The following NEB variants were observed in gnomAD, a reference collection of about 807,000 sequenced individuals.
The protein encoded by NEB is nebulin, also known as nemaline myopathy type 2.
Under a neutral mutation model 952.2 loss-of-function variants are expected in NEB, and 512 were observed. The ratio of observed to expected loss-of-function variants is 0.54; its 90% CI spans 0.50 to 0.58. The LOEUF (loss-of-function observed/expected upper bound fraction) is 0.58. Ranked by LOEUF, NEB falls within the 20% of genes least tolerant of loss-of-function variation. The pLI is 0.00. For missense variants in NEB, 8,428 were observed against 9,231.1 expected (o/e 0.91, Z 3.56); for synonymous variants, 2,900 against 3,149.8 (o/e 0.92, Z 2.66).
chr2:151,502,270 G>A (rs900422510), intron 167 of NEB, among the ~76,000 whole-genome samples: 4 of 152,038 alleles, frequency 2.6e-5, no homozygotes, highest in Non-Finnish European at 5.9e-5. Context: ...ATGGTGCAGT[G>A]TATACTGCTT....
rs781013824 is a variant in NEB at position 151,570,494 on chromosome 2, C to T, written c.17118+3G>A. 1.3e-6 allele frequency: 2 copies of T among 1,599,700 alleles called. No homozygotes were observed. The highest frequency in any genetic ancestry group is 2.2e-5 in the East Asian group (1 of 44,664). On this transcript the variant is annotated splice_donor_region_variant and intron_variant, in intron 108 of 181. Transcript: ENST00000397345. ...AACTGAGAAGTTAAAAAAGGCCACT[C>T]ACGTCACTGGCAATCTCCCTGGAGG...
chr2:151,692,428 T>G, intron 20 of NEB, 66 bp from the exon 21 acceptor site: 6 of 1,259,154 alleles, frequency 4.8e-6, no homozygotes, highest in Non-Finnish European at 5.6e-6. Context: ...TAAAAGTCAT[T>G]CATGTCTTTG....
Position 151,499,309 on chromosome 2 carries a change from T to A in NEB, c.24103A>T (p.Asn8035Tyr). 6.6e-7 allele frequency: 1 copy of A among 1,513,478 alleles called. No individual in the cohort carries two copies. The highest frequency in any genetic ancestry group is 8.9e-7 in the Non-Finnish European group (1 of 1,123,804). 93.8% of individuals were successfully genotyped at this position (1,513,478 alleles called of 1,614,324 possible). A position where few individuals can be genotyped will look rare whatever the true frequency, so the allele number is the denominator to read the frequency against. ...TTATTTTTAAATACCGAACTAAAGT[T>A]TTCTTGATTGTGTTTGACTCTCTCC... is the stretch of plus-strand genomic sequence containing the variant. Reference protein sequence around the residue: ...EMERVKHNQENFSSVLYKENL... With the variant: ...EMERVKHNQEYFSSVLYKENL... Residue 8035 changes from asparagine (N) to tyrosine (Y), a missense_variant, in exon 169 of 182, where the codon AAC (asparagine) becomes TAC (tyrosine). By Grantham distance (143) the Asn-to-Tyr change is moderately radical. Coordinates refer to ENST00000397345, the MANE Select transcript of NEB (RefSeq NM_001164508.2).
chr2:151,678,924 C>T (rs528496328), intron 32 of NEB, among the ~76,000 whole-genome samples: 33 of 152,132 alleles, frequency 2.2e-4, no homozygotes, highest in South Asian at 1.9e-3. Flanking sequence ...TACACTGGTG[C>T]GATGTAAACC....
In NEB at chr2:151,719,886, C is replaced by CAAAAA. The variant is rs34116466; in HGVS notation, c.718-2371_718-2367dup. On this transcript the variant is annotated intron_variant, in intron 9 of 181. Transcript: ENST00000397345. ...TGGGTGAGAGAGTGAGACCCTGTCT[C>CAAAAA]AAAAAAAAAAAAAAAAAAATACAAA... Among the ~76,000 whole-genome samples, 176 of 102,996 alleles carry CAAAAA rather than the reference C, an allele frequency of 1.7e-3. 3 individuals are homozygous for CAAAAA. The highest frequency in any genetic ancestry group is 6.6e-3 in the South Asian group (19 of 2,880). The allele number at this position is 102,996 out of a possible 152,430, so 67.6% of individuals were successfully genotyped here. A position where few individuals can be genotyped will look rare whatever the true frequency, so the allele number is the denominator to read the frequency against.
At chr2:151,494,029 T>C (rs1302743959) in intron 174 of NEB, 132 bp downstream of exon 174, 3 of 912,076 alleles carry the variant, frequency 3.3e-6, no homozygotes, top group Non-Finnish European at 5.2e-6. Context: ...GTAAATGTAG[T>C]GTGATATTTA....
chr2:151,650,328 A>G lies in NEB; in HGVS notation c.7279T>C (p.Leu2427=), dbSNP rs564510167. ...EWLRGIGWSP[L]GSLEAEKNKR... The stretch of plus-strand genomic sequence containing the variant: ...TTCTTTTCTGCCTCTAAAGAACCCA[A>G]GGGACTCCATCCTATGCCTCTCAGC... Residue 2427 remains leucine (L), a synonymous_variant, in exon 54 of 182, where the codon TTG becomes CTG. Coordinates refer to ENST00000397345, the MANE Select transcript of NEB (RefSeq NM_001164508.2). The G allele has an allele frequency of 1.2e-6, 2 of 1,613,874 alleles. No individual in the cohort carries two copies. Among genetic ancestry groups the G allele is most frequent in the East Asian group, 2.2e-5 (1 of 44,868 alleles).
chr2:151,537,903 T>C lies in NEB; in HGVS notation c.21071A>G (p.His7024Arg). The stretch of plus-strand genomic sequence containing the variant: ...GACTGTGTCAGTGACTGCTCGGTGG[T>C]GGAAATGCTCTGGACGATCAGGAAT... ...RSIPDRPEHF[H>R]HRAVTDTVSD... Residue 7024 changes from histidine to arginine, a missense_variant, in exon 140 of 182, where the codon CAC (histidine) becomes CGC (arginine). This residue lies in a region of NEB where 3,374 missense variants were observed against 3,651.5 expected (regional missense o/e 0.92). Transcript: ENST00000397345. 1 of 1,612,426 alleles carries C rather than the reference T, an allele frequency of 6.2e-7. No homozygotes were observed. Among genetic ancestry groups the C allele is most frequent in the South Asian group, 1.1e-5 (1 of 90,678 alleles).
intron 20 of NEB, among the ~76,000 whole-genome samples, chr2:151,693,947 T>C (rs1381346568): frequency 2.0e-5 from 3 of 152,174 alleles, no homozygotes; most frequent in Non-Finnish European, 2.9e-5. Flanking sequence ...TTTTCCTATA[T>C]ATATATTTTT....
chr2:151,491,991 AAC>A lies in NEB; in HGVS notation c.25057+105_25057+106del, dbSNP rs1401547826. 4 of 1,247,302 alleles carry A rather than the reference AAC, an allele frequency of 3.2e-6. No homozygotes were observed. The East Asian group carries it at 9.3e-5, about 29-fold the overall frequency. 77.3% of individuals were successfully genotyped at this position (1,247,302 alleles called of 1,614,324 possible). Reference sequence around the variant, plus strand: ...AGGAGCTTTCTTGCACCTCTAGAAAAACAGATTGAAGTCCTTTATGTTTTGAC... The same window carrying A: ...AGGAGCTTTCTTGCACCTCTAGAAAAAGATTGAAGTCCTTTATGTTTTGAC... On this transcript the variant is annotated intron_variant, in intron 178 of 181. Transcript: ENST00000397345.
chr2:151,529,608 G>A (rs2089296362), intron 145 of NEB, among the ~76,000 whole-genome samples: 1 of 151,180 alleles, frequency 6.6e-6, no homozygotes, highest in African/African-American at 2.4e-5. Flanking sequence ...TCAGCTCACT[G>A]CAACCTCCGC....
chr2:151,497,193 G>A (rs1479032387), intron 171 of NEB, 160 bp from the exon 172 acceptor site: 1 of 745,962 alleles, frequency 1.3e-6, no homozygotes, highest in Non-Finnish European at 1.6e-6. Context: ...CTTTACTTTA[G>A]TGGAAGTTGT....
chr2:151,613,045 G>T (rs970576166), intron 77 of NEB, among the ~76,000 whole-genome samples: 3 of 152,050 alleles, frequency 2.0e-5, no homozygotes, highest in African/African-American at 7.2e-5. Context: ...TTCTTGTAAG[G>T]AAGGGTAACA....
chr2:151,718,816 C>T (rs999006554), intron 9 of NEB, among the ~76,000 whole-genome samples: 6 of 152,246 alleles, frequency 3.9e-5, no homozygotes, highest in Non-Finnish European at 7.3e-5. Flanking sequence ...GCATATCCTT[C>T]TCTCTTGCCC....
chr2:151,705,159 T>C (rs1357821795), intron 13 of NEB, among the ~76,000 whole-genome samples: 1 of 152,038 alleles, frequency 6.6e-6, no homozygotes, highest in Non-Finnish European at 1.5e-5. Context: ...TACAAACAAT[T>C]AGCCTTCAAA....
chr2:151,661,412 AC>A (rs1416883101), intron 46 of NEB, among the ~76,000 whole-genome samples: 1 of 152,180 alleles, frequency 6.6e-6, no homozygotes, highest in Non-Finnish European at 1.5e-5. Context: ...TCTTTCTAGC[AC>A]AACTATGGCC....
In NEB at chr2:151,571,762, C is replaced by T. The variant is rs115831309; in HGVS notation, c.17014-1161G>A. Among the ~76,000 whole-genome samples, 1,309 of 152,196 alleles carry T rather than the reference C, an allele frequency of 8.6e-3. 25 individuals are homozygous for T. Among genetic ancestry groups the T allele is most frequent in the African/African-American group, 0.03 (1,226 of 41,532 alleles). ...TGTATTAACAAATAACAGAGAGACT[C>T]GGAAATAATAGTAATTTAAACATAT... On this transcript the variant is annotated intron_variant, in intron 107 of 181. Transcript: ENST00000397345.
At chr2:151,694,263 T>C in intron 20 of NEB, 60 bp downstream of exon 20, 1 of 1,404,346 alleles carries the variant, frequency 7.1e-7, no homozygotes, top group Non-Finnish European at 1.0e-6. Flanking sequence ...TCCAAGGTTA[T>C]ATTAAACAGC....
intron 70 of NEB, 134 bp downstream of exon 70, chr2:151,626,868 T>C: frequency 8.9e-7 from 1 of 1,122,102 alleles, no homozygotes; most frequent in Non-Finnish European, 1.3e-6. Flanking sequence ...TCTAACAGAA[T>C]AGAGAATTCA....
Sources: allele counts gnomAD v4.1 joint callset (sites outside exome capture counted in the v4.1 genomes callset), GRCh38; gene constraint gnomAD v4.1.1; regional missense constraint gnomAD v4.1.1; transcripts MANE v1.5; gene names NCBI Gene and HGNC (gene_info 2026-07-23, HGNC 2026-07-21).